ZNF578: variants seen among roughly 807,000 people sequenced by gnomAD.
ZNF578 encodes the protein zinc finger protein 578, also known as Putative chemokine-related protein B42.
ZNF578 carries 8 observed loss-of-function variants against 8.3 expected under a neutral mutation model. The ratio of observed to expected loss-of-function variants is 0.96; its 90% CI spans 0.56 to 1.74. The LOEUF is 1.74. Among genes scored for constraint, ZNF578 ranks in the 40% most tolerant of loss-of-function variants. The pLI, the probability that ZNF578 is intolerant of heterozygous loss-of-function variation, is 0.00. For synonymous variants in ZNF578, 206 were observed against 232.2 expected (o/e 0.89, Z 1.03); for missense variants, 726 against 707.5 (o/e 1.03, Z -0.30).
At chr19:52,500,869 T>G (rs1227264383) in intron 3 of ZNF578, among the ~76,000 whole-genome samples, 3 of 125,108 alleles carry the variant, frequency 2.4e-5, no homozygotes, top group African/African-American at 9.4e-5. Flanking sequence ...ATTGACTGTT[T>G]TGTGTGACTT....
intron 2 of ZNF578, among the ~76,000 whole-genome samples, chr19:52,476,442 A>G (rs1244095251): frequency 2.6e-5 from 4 of 152,172 alleles, no homozygotes; most frequent in Non-Finnish European, 5.9e-5. Flanking sequence ...GAGGAGAAAT[A>G]TCAATGACCC....
At chr19:52,482,178 C>T (rs2059328861) in intron 2 of ZNF578, among the ~76,000 whole-genome samples, 1 of 152,190 alleles carries the variant, frequency 6.6e-6, no homozygotes, top group African/African-American at 2.4e-5. Flanking sequence ...GGATTACAGG[C>T]ATGCACCACA....
chr19:52,478,427 T>G (rs2059314768), intron 2 of ZNF578, among the ~76,000 whole-genome samples: 1 of 152,154 alleles, frequency 6.6e-6, no homozygotes, highest in Admixed American at 6.5e-5. Flanking sequence ...ATTCTCTCTA[T>G]TGGGGTTTCT....
chr19:52,512,184 G>A lies in ZNF578; in HGVS notation c.*30G>A, dbSNP rs758409620. 151 of 1,613,668 alleles carry A rather than the reference G, an allele frequency of 9.4e-5. No homozygotes were observed. The highest frequency in any genetic ancestry group is 1.2e-4 in the Non-Finnish European group (146 of 1,179,912). On this transcript the variant is annotated 3_prime_UTR_variant, in exon 6 of 6. Coordinates refer to ENST00000421239, the MANE Select transcript of ZNF578 (RefSeq NM_001099694.2). ...CATACTGGAGAGAAACCTTACAAAT[G>A]TGAAGCATGTGACAAAGTTTTCAGT...
chr19:52,459,769 A>ATATATATATAT (rs1555751349), intron 2 of ZNF578, among the ~76,000 whole-genome samples: 7 of 17,618 alleles, frequency 4.0e-4, no homozygotes, highest in South Asian at 0.012. Context: ...ATATATATAT[A>ATATATATATAT]TTTTTTTTTT....
At chr19:52,492,797 C>T (rs572554126) in intron 3 of ZNF578, 1 of 152,342 alleles carries the variant, frequency 6.6e-6, no homozygotes, top group South Asian at 2.1e-4. Flanking sequence ...CCGCCCAGGC[C>T]TGGCTTCTGT....
intron 2 of ZNF578, among the ~76,000 whole-genome samples, chr19:52,468,931 T>C (rs2059283558): frequency 6.6e-6 from 1 of 152,192 alleles, no homozygotes; most frequent in African/African-American, 2.4e-5. Flanking sequence ...GGTCACAGAC[T>C]GAAGGTTGCA....
At chr19:52,483,315 T>A (rs1241349993) in intron 2 of ZNF578, among the ~76,000 whole-genome samples, 2 of 152,128 alleles carry the variant, frequency 1.3e-5, no homozygotes, top group Admixed American at 6.6e-5. Flanking sequence ...CTCAGGAGGC[T>A]GAGGCAGGAG....
At chr19:52,488,967 C>T (rs905401349) in intron 2 of ZNF578, among the ~76,000 whole-genome samples, 7 of 152,028 alleles carry the variant, frequency 4.6e-5, no homozygotes, top group African/African-American at 1.7e-4. Flanking sequence ...TGTTTACACA[C>T]GCCTCTAATT....
chr19:52,469,501 T>C (rs2059285700), intron 2 of ZNF578, among the ~76,000 whole-genome samples: 1 of 152,104 alleles, frequency 6.6e-6, no homozygotes, highest in Non-Finnish European at 1.5e-5. Flanking sequence ...TTAGTTGGTT[T>C]AGGGGCTTCT....
intron 2 of ZNF578, among the ~76,000 whole-genome samples, chr19:52,487,289 A>C (rs1445449376): frequency 6.6e-6 from 1 of 152,178 alleles, no homozygotes; most frequent in Non-Finnish European, 1.5e-5. Context: ...AGATCATGCC[A>C]CTATACTGCA....
intron 2 of ZNF578, among the ~76,000 whole-genome samples, chr19:52,472,856 T>G (rs978624549): frequency 1.3e-5 from 2 of 152,224 alleles, no homozygotes; most frequent in Non-Finnish European, 2.9e-5. Flanking sequence ...TTTTAAAAAA[T>G]TATAAGCTGA....
rs367763536 is a variant in ZNF578 at position 52,475,353 on chromosome 19, C to CT, written c.-121-15955dup. 770 of 144,692 alleles carry CT rather than the reference C, an allele frequency of 5.3e-3. 6 individuals carry two copies. The highest frequency in any genetic ancestry group is 0.016 in the South Asian group (82 of 5,246). 9.0% of individuals were successfully genotyped at this position (144,692 alleles called of 1,614,324 possible). A position where few individuals can be genotyped will look rare whatever the true frequency, so the allele number is the denominator to read the frequency against. On this transcript the variant is annotated intron_variant, in intron 2 of 5. Transcript: ENST00000421239. ...AATTTTTTCTTTCTTTTCTTTCTTT[C>CT]TTTTTTTTTTTTTTTTGAGACAGAG...
intron 2 of ZNF578, among the ~76,000 whole-genome samples, chr19:52,471,655 AC>A (rs1763554171): frequency 6.6e-6 from 1 of 152,166 alleles, no homozygotes; most frequent in Admixed American, 6.5e-5. Context: ...CTGCATTTGA[AC>A]CAGCTAGAGA....
intron 2 of ZNF578, among the ~76,000 whole-genome samples, chr19:52,461,297 A>G (rs1205010224): frequency 1.3e-5 from 2 of 152,190 alleles, no homozygotes; most frequent in African/African-American, 4.8e-5. Flanking sequence ...TACATTTGCA[A>G]TAGATGCTCT....
intron 3 of ZNF578, among the ~76,000 whole-genome samples, chr19:52,496,143 C>T (rs948854357): frequency 2.0e-5 from 3 of 151,192 alleles, no homozygotes; most frequent in Admixed American, 1.3e-4. Flanking sequence ...CTCAGCCTCC[C>T]GAGCAGCTGG....
At chr19:52,509,722 G>A (rs1342670158) in intron 5 of ZNF578, among the ~76,000 whole-genome samples, 2 of 151,916 alleles carry the variant, frequency 1.3e-5, no homozygotes, top group Non-Finnish European at 2.9e-5. Context: ...AGCTGAGATG[G>A]CACCATGGCA....
intron 5 of ZNF578, among the ~76,000 whole-genome samples, chr19:52,508,504 C>G (rs1290243472): frequency 6.6e-6 from 1 of 151,684 alleles, no homozygotes; most frequent in Non-Finnish European, 1.5e-5. Flanking sequence ...GGTCCACTAT[C>G]AGATGATAGT....
intron 2 of ZNF578, among the ~76,000 whole-genome samples, chr19:52,467,813 A>G (rs1436896343): frequency 6.6e-6 from 1 of 152,238 alleles, no homozygotes; most frequent in Non-Finnish European, 1.5e-5. Flanking sequence ...TAACAAGATT[A>G]TCCAAAAAAT....
Sources: allele counts gnomAD v4.1 joint callset (sites outside exome capture counted in the v4.1 genomes callset), GRCh38; gene constraint gnomAD v4.1.1; transcripts MANE v1.5; gene names NCBI Gene and HGNC (gene_info 2026-07-23, HGNC 2026-07-21).